The following RPGRIP1 variants were observed in gnomAD, a reference collection of about 807,000 sequenced individuals.
RPGRIP1 encodes X-linked retinitis pigmentosa GTPase regulator-interacting protein 1.
RPGRIP1 carries 128 observed loss-of-function variants against 157.9 expected under a neutral mutation model. That is an observed-to-expected ratio of 0.81 (90% CI 0.70 to 0.94). The LOEUF is 0.94. RPGRIP1 is among the 40% of genes least tolerant of loss of function. RPGRIP1 has a pLI of 0.00. For synonymous variants in RPGRIP1, 554 were observed against 571.6 expected (o/e 0.97, Z 0.44); for missense variants, 1,486 against 1,545.8 (o/e 0.96, Z 0.65).
chr14:21,344,967 A>C, intron 22 of RPGRIP1, 146 bp from the exon 23 acceptor site: 2 of 618,652 alleles, frequency 3.2e-6, no homozygotes, highest in Non-Finnish European at 5.9e-6. Flanking sequence ...AATGATTTTC[A>C]AAGCAGTTGG....
chr14:21,351,082 G>GT lies in RPGRIP1; in HGVS notation c.3749-15dup, dbSNP rs751933984. 1.6e-5 allele frequency: 23 copies of GT among 1,451,222 alleles called. No homozygotes were observed. In the East Asian group the frequency reaches 3.0e-4, roughly 19 times the overall value. 89.9% of individuals were successfully genotyped at this position (1,451,222 alleles called of 1,614,324 possible). A position where few individuals can be genotyped will look rare whatever the true frequency, so the allele number is the denominator to read the frequency against. Reference sequence around the variant, plus strand: ...TCAAAGTGTTCAACTGAGTGATGCTGTTTTTTTCCCTTTCCCAACAGTTGT... The same window carrying GT: ...TCAAAGTGTTCAACTGAGTGATGCTGTTTTTTTTCCCTTTCCCAACAGTTGT... On this transcript the variant is annotated intron_variant, in intron 24 of 24. Coordinates refer to ENST00000400017, the MANE Select transcript of RPGRIP1 (RefSeq NM_020366.4).
intron 1 of RPGRIP1, among the ~76,000 whole-genome samples, chr14:21,283,701 G>A (rs1054891306): frequency 7.9e-5 from 12 of 151,198 alleles, no homozygotes; most frequent in African/African-American, 2.7e-4. Context: ...TGCCCAGGCT[G>A]GAGTGGAGTG....
chr14:21,348,591 A>G (rs555503768), intron 24 of RPGRIP1, among the ~76,000 whole-genome samples: 18 of 152,128 alleles, frequency 1.2e-4, no homozygotes, highest in African/African-American at 4.1e-4. Flanking sequence ...TATACATCAG[A>G]ATTTTGGACC....
chr14:21,298,477 G>C (rs1030063983), intron 3 of RPGRIP1, among the ~76,000 whole-genome samples: 3 of 152,108 alleles, frequency 2.0e-5, no homozygotes, highest in African/African-American at 7.2e-5. Context: ...TCCAGGCTGA[G>C]TGACAGAGTG....
At chr14:21,350,035 A>G (rs1039010095) in intron 24 of RPGRIP1, among the ~76,000 whole-genome samples, 1 of 152,176 alleles carries the variant, frequency 6.6e-6, no homozygotes, top group African/African-American at 2.4e-5. Context: ...GAATTAGTAA[A>G]TCACAAGGAA....
chr14:21,291,994 G>A (rs1413649175), intron 2 of RPGRIP1, among the ~76,000 whole-genome samples: 1 of 152,048 alleles, frequency 6.6e-6, no homozygotes, highest in African/African-American at 2.4e-5. Context: ...TCCTGACCTC[G>A]TGATCCTCCG....
At chr14:21,284,720 T>G (rs994703347) in intron 1 of RPGRIP1, among the ~76,000 whole-genome samples, 1 of 151,798 alleles carries the variant, frequency 6.6e-6, no homozygotes, top group Non-Finnish European at 1.5e-5. Context: ...CCCAGCAAAT[T>G]TTTGTATGTT....
intron 10 of RPGRIP1, among the ~76,000 whole-genome samples, chr14:21,315,052 C>T (rs1484211834): frequency 6.6e-6 from 1 of 151,522 alleles, no homozygotes; most frequent in South Asian, 2.1e-4. Context: ...GGCATGGTGG[C>T]GTGCATCTGT....
At chr14:21,292,228 A>G (rs1880559878) in intron 2 of RPGRIP1, among the ~76,000 whole-genome samples, 1 of 152,158 alleles carries the variant, frequency 6.6e-6, no homozygotes, top group Non-Finnish European at 1.5e-5. Context: ...TTATAAAGGC[A>G]TATGGTCATG....
At chr14:21,293,846 T>G (rs1217745320) in intron 2 of RPGRIP1, among the ~76,000 whole-genome samples, 1 of 151,304 alleles carries the variant, frequency 6.6e-6, no homozygotes, top group Non-Finnish European at 1.5e-5. Context: ...GCCACTGCAC[T>G]CCAGCCTGGG....
chr14:21,347,455 A>C (rs1885681491), intron 23 of RPGRIP1, among the ~76,000 whole-genome samples: 1 of 152,244 alleles, frequency 6.6e-6, no homozygotes, highest in South Asian at 2.1e-4. Context: ...ATAGAAACAT[A>C]GTTACAAATG....
At chr14:21,304,067 C>T (rs1381484823) in intron 6 of RPGRIP1, among the ~76,000 whole-genome samples, 1 of 151,342 alleles carries the variant, frequency 6.6e-6, no homozygotes, top group African/African-American at 2.4e-5. Flanking sequence ...AATCCCAGCA[C>T]TTTAGGAGGC....
At chr14:21,300,604 A>G (rs1880980248) in intron 3 of RPGRIP1, among the ~76,000 whole-genome samples, 1 of 152,038 alleles carries the variant, frequency 6.6e-6, no homozygotes, top group Admixed American at 6.6e-5. Context: ...ACCCATTTAA[A>G]CATACATATT....
rs186803989 is a variant in RPGRIP1, at chr14:21,326,062, C to T, written c.2599C>T (p.Arg867Trp). 578 of 1,613,898 alleles carry T rather than the reference C, an allele frequency of 3.6e-4. 7 individuals are homozygous for T. In the African/African-American group the frequency reaches 5.9e-3, roughly 16 times the overall value. The change falls in exon 17 of 25, where the codon CGG becomes TGG. Residue 867 changes from arginine to tryptophan, a missense_variant. Coordinates refer to ENST00000400017, the MANE Select transcript of RPGRIP1 (RefSeq NM_020366.4). ...CTCTGACCTGGACCATTATCTGAGACGGGAGGCCTTGTCTATACATGTTTT... is the reference window on the plus strand; with the variant it reads ...CTCTGACCTGGACCATTATCTGAGATGGGAGGCCTTGTCTATACATGTTTT... ...VTSDLDHYLR[R>W]EALSIHVFDD...
chr14:21,284,129 G>C (rs1880223618), intron 1 of RPGRIP1, among the ~76,000 whole-genome samples: 1 of 152,138 alleles, frequency 6.6e-6, no homozygotes. Flanking sequence ...TCCAATTCAA[G>C]TTAAATTGCC....
intron 2 of RPGRIP1, 119 bp downstream of exon 2, chr14:21,288,180 CTTTTTTT>C: frequency 6.1e-6 from 3 of 490,608 alleles, no homozygotes; most frequent in South Asian, 2.4e-5. Context: ...AGTCTTCTCA[CTTTTTTT>C]TTTTTTTTTT....
At chr14:21,344,765 G>A (rs1049373825) in intron 22 of RPGRIP1, among the ~76,000 whole-genome samples, 1 of 152,138 alleles carries the variant, frequency 6.6e-6, no homozygotes, top group African/African-American at 2.4e-5. Context: ...GGCCAACGTG[G>A]CAAAACCCTG....
intron 1 of RPGRIP1, among the ~76,000 whole-genome samples, chr14:21,285,423 G>A (rs1401431657): frequency 6.6e-6 from 1 of 151,852 alleles, no homozygotes; most frequent in African/African-American, 2.4e-5. Context: ...GGCTAACATG[G>A]TGAGACCCCG....
chr14:21,288,109 C>T (rs1222768456), intron 2 of RPGRIP1, 48 bp downstream of exon 2: 2 of 1,208,312 alleles, frequency 1.7e-6, no homozygotes, highest in Non-Finnish European at 2.5e-6. Flanking sequence ...TAAAAGAACT[C>T]TCACTGTGGA....
Sources: allele counts gnomAD v4.1 joint callset (sites outside exome capture counted in the v4.1 genomes callset), GRCh38; gene constraint gnomAD v4.1.1; transcripts MANE v1.5; gene names NCBI Gene and HGNC (gene_info 2026-07-23, HGNC 2026-07-21).